ANKRD6: variants seen among roughly 807,000 people sequenced by gnomAD.
The protein encoded by ANKRD6 is ankyrin repeat domain 6, also known as ankyrin repeat domain-containing protein 6.
ANKRD6 carries 56 observed loss-of-function variants against 82.3 expected under a neutral mutation model. That is an observed-to-expected ratio of 0.68 (90% CI 0.55 to 0.85). The LOEUF (loss-of-function observed/expected upper bound fraction) is 0.85. Ranked by LOEUF, ANKRD6 falls within the 40% of genes least tolerant of loss-of-function variation. The probability of loss-of-function intolerance (pLI) is 0.00; values close to 1 mark genes in which losing one functional copy is unlikely to be tolerated. For missense variants in ANKRD6, 852 were observed against 907.6 expected, an observed-to-expected ratio of 0.94 and a Z score of 0.79; for synonymous variants, 347 against 352.1, an observed-to-expected ratio of 0.99 and a Z score of 0.16.
chr6:89,624,045 G>A lies in ANKRD6; in HGVS notation c.1206G>A (p.Gly402=). 1 of 1,610,606 alleles carries A rather than the reference G, an allele frequency of 6.2e-7. No individual in the cohort carries two copies. The highest frequency in any genetic ancestry group is 1.7e-4 in the Middle Eastern group (1 of 6,056). Residue 402 remains glycine (G), a synonymous_variant, in exon 12 of 16, where the codon GGG becomes GGA. Coordinates refer to ENST00000339746, the MANE Select transcript of ANKRD6 (RefSeq NM_001242809.2). The part of the protein sequence containing the change: ...QLYTLYRGKD[G]KVMQAPINGC... ...ACACATTGTACCGGGGCAAGGATGG[G>A]AAAGTGATGCAGGTACCTGCAAAGC...
intron 1 of ANKRD6, among the ~76,000 whole-genome samples, chr6:89,438,214 G>A (rs1770890154): frequency 6.6e-6 from 1 of 152,196 alleles, no homozygotes; most frequent in Non-Finnish European, 1.5e-5. Flanking sequence ...CCAAACCTCA[G>A]TGGTTTAATC....
rs1773937891 is a variant in ANKRD6, at chr6:89,460,054, T to C, written c.-144+26679T>C. ...ATTCAAATCATTCACTTTCCCTTTG[T>C]GGCAGTCTTTTAGAAATTGCCCTAT... is the stretch of plus-strand genomic sequence containing the variant. On this transcript the variant is annotated intron_variant, in intron 1 of 15. Coordinates refer to ENST00000339746, the MANE Select transcript of ANKRD6 (RefSeq NM_001242809.2). Among the ~76,000 whole-genome samples, 2 of 151,558 alleles carry C rather than the reference T, an allele frequency of 1.3e-5. 1 individual carries two copies. Among genetic ancestry groups the C allele is most frequent in the African/African-American group, 4.9e-5 (2 of 41,204 alleles).
chr6:89,620,465 C>T (rs1802797146), intron 9 of ANKRD6, among the ~76,000 whole-genome samples: 1 of 152,196 alleles, frequency 6.6e-6, no homozygotes, highest in African/African-American at 2.4e-5. Flanking sequence ...TGGGTATAGT[C>T]ACTGTCTTTC....
At chr6:89,453,680 A>G (rs1274238758) in intron 1 of ANKRD6, among the ~76,000 whole-genome samples, 5 of 152,150 alleles carry the variant, frequency 3.3e-5, no homozygotes, top group Middle Eastern at 3.4e-3. Flanking sequence ...CCCAGGTTCA[A>G]GCTATTCTCC....
At chr6:89,540,341 A>T (rs1314829593) in intron 1 of ANKRD6, among the ~76,000 whole-genome samples, 2 of 152,164 alleles carry the variant, frequency 1.3e-5, no homozygotes, top group Non-Finnish European at 2.9e-5. Context: ...CTGGGGTGAG[A>T]TGATATCTCG....
chr6:89,557,681 A>G (rs1158295203), intron 1 of ANKRD6, among the ~76,000 whole-genome samples: 2 of 152,178 alleles, frequency 1.3e-5, no homozygotes, highest in African/African-American at 2.4e-5. Context: ...CTTGCCACAC[A>G]GCAGGAGGTG....
At chr6:89,455,822 C>G (rs576252406) in intron 1 of ANKRD6, among the ~76,000 whole-genome samples, 95 of 152,212 alleles carry the variant, frequency 6.2e-4, no homozygotes, top group African/African-American at 2.2e-3. Context: ...AACCGTGAAC[C>G]AATTAAACCT....
At chr6:89,584,991 C>A (rs568550496) in intron 2 of ANKRD6, among the ~76,000 whole-genome samples, 44 of 152,192 alleles carry the variant, frequency 2.9e-4, no homozygotes, top group Admixed American at 2.3e-3. Context: ...CTCATCCAAT[C>A]CTAATTACCT....
intron 1 of ANKRD6, among the ~76,000 whole-genome samples, chr6:89,554,171 AAC>A (rs1482252794): frequency 1.3e-5 from 2 of 152,226 alleles, no homozygotes; most frequent in Non-Finnish European, 2.9e-5. Flanking sequence ...GGCTGGAAAC[AAC>A]AGACATTTAT....
intron 1 of ANKRD6, among the ~76,000 whole-genome samples, chr6:89,498,348 A>G (rs562645811): frequency 1.4e-3 from 220 of 152,312 alleles, no homozygotes; most frequent in African/African-American, 4.9e-3. Flanking sequence ...GGAAGGTAAG[A>G]GAACTAAACA....
chr6:89,485,548 A>G (rs773416627), intron 1 of ANKRD6, among the ~76,000 whole-genome samples: 20 of 152,160 alleles, frequency 1.3e-4, no homozygotes, highest in Admixed American at 2.6e-4. Flanking sequence ...GCTGTAAACA[A>G]AGGGCAGCTG....
intron 1 of ANKRD6, among the ~76,000 whole-genome samples, chr6:89,453,562 A>C (rs772814586): frequency 6.6e-6 from 1 of 151,792 alleles, no homozygotes; most frequent in Non-Finnish European, 1.5e-5. Flanking sequence ...TGTGCTTTCA[A>C]TGTTGGGAAG....
intron 5 of ANKRD6, among the ~76,000 whole-genome samples, chr6:89,609,311 T>G (rs1362594359): frequency 6.6e-6 from 1 of 152,150 alleles, no homozygotes; most frequent in Non-Finnish European, 1.5e-5. Flanking sequence ...ACTTTTTTTT[T>G]TCTTTTTGAG....
chr6:89,529,182 A>G (rs1583105423), intron 1 of ANKRD6, among the ~76,000 whole-genome samples: 1 of 152,234 alleles, frequency 6.6e-6, no homozygotes, highest in Non-Finnish European at 1.5e-5. Context: ...TAGAAGGCTG[A>G]TTCATGTACA....
intron 1 of ANKRD6, among the ~76,000 whole-genome samples, chr6:89,456,097 A>G (rs892143233): frequency 2.6e-5 from 4 of 151,830 alleles, no homozygotes; most frequent in Non-Finnish European, 5.9e-5. Context: ...CTGGTCTGGA[A>G]CTCCTGACCT....
chr6:89,633,360 T>C lies in ANKRD6; in HGVS notation c.*2356T>C, dbSNP rs868736590. 2 of 152,372 alleles carry C rather than the reference T, an allele frequency of 1.3e-5. No homozygotes were observed. The highest frequency in any genetic ancestry group is 1.5e-5 in the Non-Finnish European group (1 of 68,026). The allele number at this position is 152,372 out of a possible 1,614,324, so 9.4% of individuals were successfully genotyped here. ...TTGATCCTTGGCATTGTCAAAAACT[T>C]AACTGCAGGTCCAGTGTATATTTTT... is the stretch of plus-strand genomic sequence containing the variant. On this transcript the variant is annotated 3_prime_UTR_variant, in exon 16 of 16. Transcript: ENST00000339746.
chr6:89,578,090 A>T (rs1791550962), intron 2 of ANKRD6, among the ~76,000 whole-genome samples: 1 of 151,862 alleles, frequency 6.6e-6, no homozygotes, highest in Admixed American at 6.6e-5. Flanking sequence ...CAGGCAGAAA[A>T]CTCAGGAGGT....
At chr6:89,510,390 T>G (rs1396607360) in intron 1 of ANKRD6, among the ~76,000 whole-genome samples, 1 of 152,142 alleles carries the variant, frequency 6.6e-6, no homozygotes, top group Non-Finnish European at 1.5e-5. Context: ...TAGTTTTTTT[T>G]TTTTTTAGCC....
chr6:89,434,179 AC>A (rs1023690530), intron 1 of ANKRD6, among the ~76,000 whole-genome samples: 2 of 151,750 alleles, frequency 1.3e-5, no homozygotes, highest in African/African-American at 4.8e-5. Context: ...ACTTTGGAAA[AC>A]CCACTTCTTT....
Sources: allele counts gnomAD v4.1 joint callset (sites outside exome capture counted in the v4.1 genomes callset), GRCh38; gene constraint gnomAD v4.1.1; transcripts MANE v1.5; gene names NCBI Gene and HGNC (gene_info 2026-07-23, HGNC 2026-07-21).